CA10: variants seen among roughly 807,000 people sequenced by gnomAD.
CA10 encodes the protein carbonic anhydrase 10 (inactive).
CA10 carries 14 observed loss-of-function variants against 44.2 expected under a neutral mutation model. The observed-to-expected ratio is 0.32, with a 90% CI of 0.21 to 0.50. The LOEUF (loss-of-function observed/expected upper bound fraction) is 0.50, where lower values mean the gene tolerates loss of function less well. CA10 is among the 20% of genes least tolerant of loss of function. The pLI is 0.99. For synonymous variants in CA10, 159 were observed against 141.6 expected, an observed-to-expected ratio of 1.12 and a Z score of -0.87; for missense variants, 350 against 409.7, an observed-to-expected ratio of 0.85 and a Z score of 1.26.
At chr17:51,891,927 C>G (rs970301954) in intron 3 of CA10, among the ~76,000 whole-genome samples, 3 of 152,332 alleles carry the variant, frequency 2.0e-5, no homozygotes, top group Non-Finnish European at 2.9e-5. Context: ...CATGCCATCC[C>G]TACCTACATG....
chr17:51,644,667 T>C (rs1182369357), intron 6 of CA10, among the ~76,000 whole-genome samples: 1 of 152,012 alleles, frequency 6.6e-6, no homozygotes, highest in Non-Finnish European at 1.5e-5. Context: ...ATCCACAGTC[T>C]CCCCATCTCA....
At chr17:51,683,840 T>C (rs1432422940) in intron 4 of CA10, among the ~76,000 whole-genome samples, 1 of 152,102 alleles carries the variant, frequency 6.6e-6, no homozygotes, top group East Asian at 1.9e-4. Context: ...TGAATATTAA[T>C]AGGACCACCA....
chr17:51,692,423 CTATT>C (rs1213919729), intron 4 of CA10, among the ~76,000 whole-genome samples: 1 of 89,192 alleles, frequency 1.1e-5, no homozygotes, highest in African/African-American at 3.1e-5. Flanking sequence ...ATCTATCTAT[CTATT>C]TTACCATTTA....
At chr17:51,789,046 A>G (rs887181891) in intron 3 of CA10, among the ~76,000 whole-genome samples, 5 of 152,078 alleles carry the variant, frequency 3.3e-5, no homozygotes, top group African/African-American at 4.8e-5. Context: ...GTCTCTCTCA[A>G]TCACCCAGGC....
At chr17:52,049,551 AC>A (rs2098806528) in intron 2 of CA10, among the ~76,000 whole-genome samples, 1 of 152,020 alleles carries the variant, frequency 6.6e-6, no homozygotes, top group South Asian at 2.1e-4. Context: ...TGTGGGTGAA[AC>A]TTTTGGCATC....
intron 3 of CA10, among the ~76,000 whole-genome samples, chr17:51,821,537 G>C (rs1219471395): frequency 2.0e-5 from 3 of 152,094 alleles, no homozygotes; most frequent in African/African-American, 7.2e-5. Context: ...AATTTGAATA[G>C]CCTCCTAATT....
At chr17:51,946,097 A>T (rs1033428878) in intron 2 of CA10, among the ~76,000 whole-genome samples, 2 of 152,194 alleles carry the variant, frequency 1.3e-5, no homozygotes, top group African/African-American at 4.8e-5. Flanking sequence ...GGATTCTAAA[A>T]TAGTTGAACT....
At chr17:51,644,313 G>A (rs1414887148) in intron 6 of CA10, among the ~76,000 whole-genome samples, 1 of 152,106 alleles carries the variant, frequency 6.6e-6, no homozygotes, top group Non-Finnish European at 1.5e-5. Context: ...ACCTCAGTTT[G>A]CTGATGAGGC....
chr17:52,142,788 G>C (rs766173251), intron 1 of CA10, among the ~76,000 whole-genome samples: 7 of 152,028 alleles, frequency 4.6e-5, no homozygotes, highest in Non-Finnish European at 1.5e-5. Context: ...GGAGCTGATG[G>C]GGTTATTTTT....
intron 3 of CA10, among the ~76,000 whole-genome samples, chr17:51,902,325 A>G (rs1217350725): frequency 6.6e-6 from 1 of 152,186 alleles, no homozygotes; most frequent in Non-Finnish European, 1.5e-5. Flanking sequence ...TCAGAGATAG[A>G]AAGATGTCTC....
At chr17:51,857,554 C>T (rs1979104236) in intron 3 of CA10, among the ~76,000 whole-genome samples, 1 of 152,144 alleles carries the variant, frequency 6.6e-6, no homozygotes, top group African/African-American at 2.4e-5. Context: ...GATAATGATG[C>T]TGGCCCAATT....
Position 52,000,175 on chromosome 17 carries a change from T to G in CA10, c.137-69043A>C, listed in dbSNP as rs138100838. Reference sequence around the variant, plus strand: ...AAGAATCACTATTGGGAATTATATCTTGGACTTCATGATGTGAGCAACATT... The same window carrying G: ...AAGAATCACTATTGGGAATTATATCGTGGACTTCATGATGTGAGCAACATT... On this transcript the variant is annotated intron_variant, in intron 2 of 8. Transcript: ENST00000451037. Among the ~76,000 whole-genome samples, 182 of 152,234 alleles carry G rather than the reference T, an allele frequency of 1.2e-3. 5 individuals are homozygous for G. The South Asian group carries it at 0.022, about 18-fold the overall frequency.
At chr17:51,899,100 C>T (rs1296365523) in intron 3 of CA10, among the ~76,000 whole-genome samples, 1 of 151,714 alleles carries the variant, frequency 6.6e-6, no homozygotes, top group African/African-American at 2.4e-5. Flanking sequence ...GGTTGGCTGG[C>T]TCTTGTTTTT....
At chr17:51,683,254 T>C (rs1914903562) in intron 4 of CA10, among the ~76,000 whole-genome samples, 1 of 152,180 alleles carries the variant, frequency 6.6e-6, no homozygotes, top group Admixed American at 6.5e-5. Context: ...TGCATATCAG[T>C]TCCTTAGAGC....
intron 2 of CA10, among the ~76,000 whole-genome samples, chr17:52,064,189 T>A (rs1396808633): frequency 2.6e-5 from 4 of 152,152 alleles, no homozygotes; most frequent in Non-Finnish European, 5.9e-5. Flanking sequence ...GCCCTACAAC[T>A]GCATGGAATT....
chr17:51,869,208 TTGA>T (rs1979697092), intron 3 of CA10, among the ~76,000 whole-genome samples: 1 of 152,188 alleles, frequency 6.6e-6, no homozygotes, highest in South Asian at 2.1e-4. Context: ...TTCATCTCTA[TTGA>T]TGTTATGAAA....
chr17:51,652,975 A>G (rs1269101366), intron 5 of CA10, among the ~76,000 whole-genome samples: 1 of 150,254 alleles, frequency 6.7e-6, no homozygotes, highest in Non-Finnish European at 1.5e-5. Flanking sequence ...TTCTCTCTAC[A>G]TCTGCTAAAA....
At chr17:51,924,193 C>T (rs867781329) in intron 3 of CA10, among the ~76,000 whole-genome samples, 1 of 152,082 alleles carries the variant, frequency 6.6e-6, no homozygotes, top group South Asian at 2.1e-4. Context: ...AGCAGGGGTT[C>T]GGACTCCTTA....
chr17:52,137,232 T>C (rs534182767), intron 1 of CA10, among the ~76,000 whole-genome samples: 1 of 152,252 alleles, frequency 6.6e-6, no homozygotes, highest in East Asian at 1.9e-4. Context: ...AGTATGAATT[T>C]GGTCATATTT....
Sources: gnomAD v4.1 joint callset for allele counts (sites outside exome capture counted in the v4.1 genomes callset) on GRCh38, gnomAD v4.1.1 for gene constraint, MANE v1.5 for transcripts, NCBI Gene and HGNC (gene_info 2026-07-23, HGNC 2026-07-21) for gene names.